PEX1: variants seen among roughly 807,000 people sequenced by gnomAD.
The protein encoded by PEX1 is peroxisomal ATPase PEX1.
Under a neutral mutation model 152.5 loss-of-function variants are expected in PEX1, and 97 were observed. The ratio of observed to expected loss-of-function variants is 0.64; its 90% CI spans 0.54 to 0.75. PEX1 has a LOEUF of 0.75. PEX1 is among the 30% of genes least tolerant of loss of function. The probability of loss-of-function intolerance (pLI) is 0.00; values close to 1 mark genes in which losing one functional copy is unlikely to be tolerated. For synonymous variants in PEX1, 485 were observed against 531.6 expected (o/e 0.91, Z 1.21); for missense variants, 1,357 against 1,516.3 (o/e 0.89, Z 1.74).
At position 92,495,734 on chromosome 7, in the gene PEX1, G is replaced by C. The variant is rs912847697; in HGVS notation, c.2783+979C>G. ...TGTTAGAGATTTGTCAATTGTACTC[G>C]GTGTTCAAAAAATAAATCTTGGCTT... On this transcript the variant is annotated intron_variant, in intron 17 of 23. Coordinates refer to ENST00000248633, the MANE Select transcript of PEX1 (RefSeq NM_000466.3). Among the ~76,000 whole-genome samples the C allele has an allele frequency of 3.3e-5, 5 of 151,454 alleles. No individual in the cohort carries two copies. In the East Asian group the frequency reaches 9.7e-4, roughly 29 times the overall value.
rs2116242366 is a variant in PEX1 at position 92,517,286 on chromosome 7, C to T, written c.1229G>A (p.Gly410Glu). ...AAAATTTATACTAACCCAGACTTTC[C>T]CAAGATGGAGAACTTCTACATTTTT... ...YTKNVEVLHL[G>E]KVWIPDDLRK... Residue 410 changes from glycine (G) to glutamate (E), a missense_variant, in exon 5 of 24, where the codon GGG (glycine) becomes GAG (glutamate). Physicochemically the swap from Gly to Glu is moderately conservative, Grantham distance 98. Coordinates refer to ENST00000248633, the MANE Select transcript of PEX1 (RefSeq NM_000466.3). The T allele has an allele frequency of 6.2e-7, 1 of 1,613,478 alleles. No individual in the cohort carries two copies. The highest frequency in any genetic ancestry group is 8.5e-7 in the Non-Finnish European group (1 of 1,179,594).
intron 5 of PEX1, among the ~76,000 whole-genome samples, chr7:92,516,944 C>T (rs1792812991): frequency 6.6e-6 from 1 of 152,146 alleles, no homozygotes; most frequent in African/African-American, 2.4e-5. Context: ...CTTTGTAGGG[C>T]ACTCCATCCT....
intron 9 of PEX1, among the ~76,000 whole-genome samples, chr7:92,508,879 A>G (rs898012851): frequency 4.6e-5 from 7 of 152,354 alleles, no homozygotes; most frequent in African/African-American, 1.4e-4. Flanking sequence ...AATACAAGAC[A>G]GTGAAGGAAT....
At chr7:92,489,688 T>A in intron 22 of PEX1, 26 bp downstream of exon 22, 1 of 1,596,360 alleles carries the variant, frequency 6.3e-7, no homozygotes, top group African/African-American at 1.3e-5. Context: ...GTTTTAACAA[T>A]TATAATGAGG....
chr7:92,495,470 T>C (rs1791606758), intron 17 of PEX1, among the ~76,000 whole-genome samples: 1 of 152,326 alleles, frequency 6.6e-6, no homozygotes, highest in South Asian at 2.1e-4. Context: ...TAAAGACTTC[T>C]TTAACTTTTC....
At chr7:92,504,507 C>A (rs1260456395) in intron 12 of PEX1, among the ~76,000 whole-genome samples, 1 of 152,048 alleles carries the variant, frequency 6.6e-6, no homozygotes, top group South Asian at 2.1e-4. Flanking sequence ...GAATGAAAAA[C>A]CCTAAAGGAC....
rs1469341456 is a variant in PEX1 at position 92,522,170 on chromosome 7, G to T, written c.205C>A (p.Gln69Lys). 2 of 1,614,032 alleles carry T rather than the reference G, an allele frequency of 1.2e-6. No individual in the cohort carries two copies. Among genetic ancestry groups the T allele is most frequent in the South Asian group, 2.2e-5 (2 of 91,084 alleles). ...SWVEGRHFSD[Q>K]GENVAEINRQ... is the part of the protein sequence containing the mutation. ...TTAATTTCAGCCACATTTTCACCTT[G>T]ATCACTAAAATGCCTGCCTTCCACC... The change falls in exon 2 of 24, where the codon CAA becomes AAA. Residue 69 changes from glutamine to lysine, a missense_variant. Physicochemically the swap from Gln to Lys is moderately conservative, Grantham distance 53. Transcript: ENST00000248633.
intron 1 of PEX1, among the ~76,000 whole-genome samples, chr7:92,527,538 T>A (rs1030455834): frequency 4.6e-5 from 7 of 152,206 alleles, no homozygotes; most frequent in Admixed American, 6.5e-5. Flanking sequence ...TATTGCAAAC[T>A]CTATTCATTG....
chr7:92,527,855 C>T (rs542249812), intron 1 of PEX1, among the ~76,000 whole-genome samples: 25 of 152,368 alleles, frequency 1.6e-4, no homozygotes, highest in African/African-American at 5.8e-4. Flanking sequence ...TAACCTTTCC[C>T]GCTCATGGGA....
intron 2 of PEX1, among the ~76,000 whole-genome samples, chr7:92,521,128 T>C (rs1022957259): frequency 9.2e-5 from 14 of 152,116 alleles, no homozygotes; most frequent in Non-Finnish European, 1.9e-4. Flanking sequence ...CCCAGCTAAT[T>C]TTTTTAATTT....
intron 16 of PEX1, among the ~76,000 whole-genome samples, chr7:92,497,542 T>C (rs1385612866): frequency 6.6e-6 from 1 of 150,800 alleles, no homozygotes; most frequent in East Asian, 2.0e-4. Flanking sequence ...GCAAAATCAA[T>C]AATGAGAATA....
At position 92,493,086 on chromosome 7, in the gene PEX1, G is replaced by A. The variant is rs760252307; in HGVS notation, c.3074C>T (p.Pro1025Leu). ...CTGAAGGTCAACATCATCTGCCAGA[G>A]GTAGAGAGTCACTGAGGACATTTAA... Reference protein sequence around the residue: ...EILNVLSDSLPLADDVDLQHV... With the variant: ...EILNVLSDSLLLADDVDLQHV... The change falls in exon 20 of 24, where the codon CCT becomes CTT. Residue 1025 changes from proline (P) to leucine (L), a missense_variant. Pro to Leu is a moderately conservative substitution (Grantham distance 98). Coordinates refer to ENST00000248633, the MANE Select transcript of PEX1 (RefSeq NM_000466.3). 48 of 1,612,070 alleles carry A rather than the reference G, an allele frequency of 3.0e-5. No individual in the cohort carries two copies. Among genetic ancestry groups the A allele is most frequent in the Admixed American group, 5.0e-5 (3 of 59,970 alleles).
chr7:92,492,995 T>C lies in PEX1; in HGVS notation c.3165A>G (p.Gln1055=), dbSNP rs776231556. ...ADLKALLYNA[Q]LEALHGMLLS... ...GCAGCATTCCATGTAAGGCCTCCAA[T>C]TGGGCATTGTAAAGTAAAGCTTTCA... Residue 1055 remains glutamine (Q), a synonymous_variant, in exon 20 of 24, where the codon CAA becomes CAG. Coordinates refer to ENST00000248633, the MANE Select transcript of PEX1 (RefSeq NM_000466.3). The C allele has an allele frequency of 1.7e-5, 27 of 1,613,772 alleles. No homozygotes were observed. Among genetic ancestry groups the C allele is most frequent in the African/African-American group, 9.3e-5 (7 of 74,902 alleles).
intron 1 of PEX1, among the ~76,000 whole-genome samples, chr7:92,523,823 C>G (rs1339393416): frequency 2.6e-5 from 4 of 151,858 alleles, no homozygotes; most frequent in Non-Finnish European, 4.4e-5. Flanking sequence ...AGAGTGAGAA[C>G]CCGTCACACA....
chr7:92,501,791 A>G, intron 14 of PEX1, 99 bp downstream of exon 14: 1 of 1,365,500 alleles, frequency 7.3e-7, no homozygotes, highest in South Asian at 1.2e-5. Context: ...GCTTATTCAA[A>G]TACTACAATG....
intron 13 of PEX1, among the ~76,000 whole-genome samples, chr7:92,502,825 C>A (rs1328889375): frequency 6.6e-6 from 1 of 152,150 alleles, no homozygotes; most frequent in African/African-American, 2.4e-5. Flanking sequence ...ATACCATTTT[C>A]AAAAAAGTCA....
chr7:92,517,170 CTTTTT>C, intron 5 of PEX1, 101 bp downstream of exon 5: 1 of 964,352 alleles, frequency 1.0e-6, no homozygotes, highest in Non-Finnish European at 1.6e-6. Flanking sequence ...CACTGTGTTT[CTTTTT>C]AATTGATTTT....
intron 6 of PEX1, among the ~76,000 whole-genome samples, chr7:92,512,647 G>A (rs1428116072): frequency 2.0e-5 from 3 of 150,890 alleles, no homozygotes; most frequent in South Asian, 2.1e-4. Flanking sequence ...TTAGCACCAC[G>A]CCCCGATAAT....
At position 92,494,490 on chromosome 7, in the gene PEX1, GT is replaced by G. The variant is rs762324548; in HGVS notation, c.2922del (p.Leu974PhefsTer15). ...TTTCTGTATTTATAATTATTACCCT[GT>G]AAGCCTTCTACTCCATCCAACTGAG... is the stretch of plus-strand genomic sequence containing the variant. ...LLTQLDGVEG[L>X]QGVYVLAATS... On this transcript the variant is annotated frameshift_variant, in exon 18 of 24. Transcript: ENST00000248633. LOFTEE classifies it high-confidence loss of function. 6.2e-7 allele frequency: 1 copy of G among 1,613,400 alleles called. No homozygotes were observed. The highest frequency in any genetic ancestry group is 8.5e-7 in the Non-Finnish European group (1 of 1,179,396).
Sources: allele counts gnomAD v4.1 joint callset (sites outside exome capture counted in the v4.1 genomes callset), GRCh38; gene constraint gnomAD v4.1.1; transcripts MANE v1.5; gene names NCBI Gene and HGNC (gene_info 2026-07-23, HGNC 2026-07-21).